Variants in CLYBL observed in about 807,000 individuals in gnomAD.
CLYBL encodes the protein citramalyl-CoA lyase, also known as citramalyl-CoA lyase, mitochondrial.
In CLYBL, 31 loss-of-function variants were observed where a neutral mutation model predicts 38.9. The observed-to-expected ratio is 0.80, with a 90% CI of 0.60 to 1.08. The LOEUF (loss-of-function observed/expected upper bound fraction) is 1.08. CLYBL is among the 50% of genes least tolerant of loss of function. The pLI is 0.00. For synonymous variants in CLYBL, 171 were observed against 158.6 expected, an observed-to-expected ratio of 1.08 and a Z score of -0.59; for missense variants, 434 against 411.6, an observed-to-expected ratio of 1.05 and a Z score of -0.47.
chr13:99,667,988 T>C (rs1281733890), intron 1 of CLYBL, among the ~76,000 whole-genome samples: 3 of 152,136 alleles, frequency 2.0e-5, no homozygotes, highest in African/African-American at 7.2e-5. Context: ...AATAGAACAT[T>C]AGAGGCTGGG....
At chr13:99,857,323 G>A (rs1383530037) in intron 2 of CLYBL, among the ~76,000 whole-genome samples, 2 of 152,006 alleles carry the variant, frequency 1.3e-5, no homozygotes, top group Non-Finnish European at 2.9e-5. Context: ...TCAAAAAAAA[G>A]AGAAGATTTT....
chr13:99,817,058 G>A (rs1476662087), intron 2 of CLYBL, among the ~76,000 whole-genome samples: 1 of 152,154 alleles, frequency 6.6e-6, no homozygotes, highest in Admixed American at 6.5e-5. Flanking sequence ...TTCTTTCTCA[G>A]CCGATTCAGC....
chr13:99,695,491 T>C (rs2047964935), intron 1 of CLYBL, among the ~76,000 whole-genome samples: 1 of 152,026 alleles, frequency 6.6e-6, no homozygotes, highest in Non-Finnish European at 1.5e-5. Flanking sequence ...CCCGTTCAGA[T>C]TCTTCTTGGT....
At chr13:99,706,011 A>C (rs2048141550) in intron 1 of CLYBL, among the ~76,000 whole-genome samples, 2 of 151,442 alleles carry the variant, frequency 1.3e-5, no homozygotes, top group South Asian at 4.2e-4. Context: ...GGCTCACTGC[A>C]ACCTCCGCCT....
intron 1 of CLYBL, among the ~76,000 whole-genome samples, chr13:99,663,489 A>T (rs2047437790): frequency 6.6e-6 from 1 of 152,074 alleles, no homozygotes; most frequent in African/African-American, 2.4e-5. Flanking sequence ...GAACCATCTT[A>T]TCAGAAAGTG....
intron 1 of CLYBL, among the ~76,000 whole-genome samples, chr13:99,713,881 G>T (rs2048273015): frequency 6.6e-6 from 1 of 152,076 alleles, no homozygotes; most frequent in South Asian, 2.1e-4. Context: ...TAGAGACAGG[G>T]TTTCGCTATG....
intron 2 of CLYBL, among the ~76,000 whole-genome samples, chr13:99,786,522 C>G (rs1335672812): frequency 6.6e-6 from 1 of 152,084 alleles, no homozygotes; most frequent in East Asian, 1.9e-4. Context: ...CATGTCCCTA[C>G]AAAGGACATG....
chr13:99,880,068 A>ATATATATATTTT (rs34063235), intron 7 of CLYBL, among the ~76,000 whole-genome samples: 9 of 101,188 alleles, frequency 8.9e-5, no homozygotes, highest in African/African-American at 3.2e-4. Context: ...ATATATATAT[A>ATATATATATTTT]TTTTTTTTTT....
At chr13:99,882,903 G>A (rs527670162) in intron 7 of CLYBL, among the ~76,000 whole-genome samples, 4 of 152,000 alleles carry the variant, frequency 2.6e-5, no homozygotes, top group East Asian at 2.0e-4. Context: ...TTCCCCTGGC[G>A]CCCAGAAAGC....
chr13:99,739,526 C>T (rs1386157271), intron 1 of CLYBL, among the ~76,000 whole-genome samples: 1 of 152,160 alleles, frequency 6.6e-6, no homozygotes, highest in Non-Finnish European at 1.5e-5. Context: ...CTGAGGGGTC[C>T]CTGTGATGGT....
At chr13:99,858,215 A>T (rs6491534) in intron 2 of CLYBL, among the ~76,000 whole-genome samples, 105,228 of 152,122 alleles carry the variant, frequency 0.69, 37,222 homozygotes, top group East Asian at 0.95. Context: ...AGAAAAAAAA[A>T]GTATTTGTCA....
Position 99,842,309 on chromosome 13 carries a change from G to A in CLYBL, c.250-16552G>A, listed in dbSNP as rs771284968. Among the ~76,000 whole-genome samples the A allele has an allele frequency of 7.9e-5, 12 of 152,304 alleles. No homozygotes were observed. In the Middle Eastern group the frequency reaches 0.01, roughly 130 times the overall value. On this transcript the variant is annotated intron_variant, in intron 2 of 8. Transcript: ENST00000339105. Reference sequence around the variant, plus strand: ...GTTCCTTTCCTTTAGGGATAGAGAGGGCACCTCTGGAATGAAAGTTTTTGA... The same window carrying A: ...GTTCCTTTCCTTTAGGGATAGAGAGAGCACCTCTGGAATGAAAGTTTTTGA...
At chr13:99,614,429 C>T (rs2046676280) in intron 1 of CLYBL, among the ~76,000 whole-genome samples, 1 of 152,138 alleles carries the variant, frequency 6.6e-6, no homozygotes. Context: ...GGGTAGGGGA[C>T]ATGCCTGGGC....
chr13:99,834,520 A>G (rs1053866262), intron 2 of CLYBL, among the ~76,000 whole-genome samples: 6 of 152,174 alleles, frequency 3.9e-5, no homozygotes, highest in Non-Finnish European at 7.3e-5. Flanking sequence ...CCACTGGTGC[A>G]GTGCTGTGGT....
intron 1 of CLYBL, among the ~76,000 whole-genome samples, chr13:99,668,798 A>G (rs1360380719): frequency 6.6e-6 from 1 of 152,000 alleles, no homozygotes; most frequent in Non-Finnish European, 1.5e-5. Context: ...AAGGTGCTGG[A>G]AGCCAATCCA....
chr13:99,710,773 T>C (rs1170379555), intron 1 of CLYBL, among the ~76,000 whole-genome samples: 1 of 152,164 alleles, frequency 6.6e-6, no homozygotes, highest in African/African-American at 2.4e-5. Context: ...TACAGTGATG[T>C]TTCACATACA....
At position 99,858,720 on chromosome 13, in the gene CLYBL, T is replaced by G. The variant is rs908796189; in HGVS notation, c.250-141T>G. 10 of 625,184 alleles carry G rather than the reference T, an allele frequency of 1.6e-5. No individual in the cohort carries two copies. In the African/African-American group the frequency reaches 1.9e-4, roughly 12 times the overall value. 38.7% of individuals were successfully genotyped at this position (625,184 alleles called of 1,614,324 possible). On this transcript the variant is annotated intron_variant, in intron 2 of 8. Coordinates refer to ENST00000339105, the MANE Select transcript of CLYBL (RefSeq NM_206808.5). Reference sequence around the variant, plus strand: ...CAGACTGGATGACTCCTTTCAAATATTATTTATTTGGTGGACAGGAAATGT... The same window carrying G: ...CAGACTGGATGACTCCTTTCAAATAGTATTTATTTGGTGGACAGGAAATGT...
intron 2 of CLYBL, among the ~76,000 whole-genome samples, chr13:99,857,751 C>G (rs1347265434): frequency 2.6e-5 from 4 of 152,214 alleles, no homozygotes; most frequent in Non-Finnish European, 5.9e-5. Flanking sequence ...TCTTTTTTGT[C>G]TCTGCTTTGG....
At chr13:99,632,051 A>G (rs1223664966) in intron 1 of CLYBL, among the ~76,000 whole-genome samples, 1 of 152,218 alleles carries the variant, frequency 6.6e-6, no homozygotes, top group African/African-American at 2.4e-5. Context: ...CCCAAAGCTA[A>G]TTAAGTGGCC....
Sources: allele counts gnomAD v4.1 joint callset (sites outside exome capture counted in the v4.1 genomes callset), GRCh38; gene constraint gnomAD v4.1.1; transcripts MANE v1.5; gene names NCBI Gene and HGNC (gene_info 2026-07-23, HGNC 2026-07-21).